The following FUT8 variants were observed in gnomAD, a reference collection of about 807,000 sequenced individuals.
The protein encoded by FUT8 is fucosyltransferase 8.
A neutral mutation model predicts 71.3 loss-of-function variants in FUT8; 29 were observed. The observed-to-expected ratio is 0.41, with a 90% CI of 0.30 to 0.55. The LOEUF (loss-of-function observed/expected upper bound fraction) is 0.55, where lower values mean the gene tolerates loss of function less well. Among genes scored for constraint, FUT8 ranks in the 20% least tolerant of loss-of-function variants. FUT8 has a pLI of 0.34. For synonymous variants in FUT8, 254 were observed against 239.3 expected (o/e 1.06, Z -0.57); for missense variants, 544 against 702.1 (o/e 0.77, Z 2.55).
intron 7 of FUT8, among the ~76,000 whole-genome samples, chr14:65,703,085 G>GA (rs1894389470): frequency 6.6e-6 from 1 of 152,182 alleles, no homozygotes; most frequent in Non-Finnish European, 1.5e-5. Context: ...GCGAGGAAGT[G>GA]GCAGAAGTCT....
the FUT8 span, among the ~76,000 whole-genome samples, chr14:65,371,356 G>C: frequency 1.3e-5 from 2 of 152,132 alleles, no homozygotes; most frequent in South Asian, 4.1e-4. Context: ...CCATAATAAA[G>C]CTGTGAAAAT....
chr14:65,496,190 C>CTAA (rs916703079), intron 2 of FUT8, among the ~76,000 whole-genome samples: 1 of 152,116 alleles, frequency 6.6e-6, no homozygotes, highest in African/African-American at 2.4e-5. Flanking sequence ...AGTTAAAAAG[C>CTAA]TAACCCTGAG....
intron 10 of FUT8, among the ~76,000 whole-genome samples, chr14:65,736,371 C>T (rs534013722): frequency 6.6e-5 from 10 of 151,054 alleles, no homozygotes; most frequent in South Asian, 2.1e-4. Flanking sequence ...AGACTGTATG[C>T]GCTCACATTT....
chr14:65,703,146 C>T (rs922708778), intron 7 of FUT8, among the ~76,000 whole-genome samples: 4 of 152,162 alleles, frequency 2.6e-5, no homozygotes, highest in Non-Finnish European at 4.4e-5. Context: ...ATGATACTGT[C>T]TTTGTTTTAA....
At chr14:65,576,983 A>G (rs1270325902) in intron 3 of FUT8, among the ~76,000 whole-genome samples, 4 of 151,620 alleles carry the variant, frequency 2.6e-5, no homozygotes, top group Non-Finnish European at 5.9e-5. Flanking sequence ...GATTACAGGC[A>G]TGAGCCACCA....
chr14:65,446,920 C>T (rs921930903), intron 1 of FUT8, among the ~76,000 whole-genome samples: 20 of 152,072 alleles, frequency 1.3e-4, no homozygotes, highest in Admixed American at 7.2e-4. Context: ...CCTCCAGCCT[C>T]AGCTTCCTGA....
At chr14:65,363,837 G>C in the FUT8 span, among the ~76,000 whole-genome samples, 3 of 152,110 alleles carry the variant, frequency 2.0e-5, no homozygotes, top group African/African-American at 4.8e-5. Context: ...CTTTATGAAG[G>C]CTGCCATGCT....
intron 7 of FUT8, among the ~76,000 whole-genome samples, chr14:65,675,144 A>G (rs925411286): frequency 2.6e-5 from 4 of 152,230 alleles, no homozygotes; most frequent in Admixed American, 1.3e-4. Flanking sequence ...AGTCTATGGT[A>G]TCTCATTAAA....
chr14:65,362,308 A>G, the FUT8 span, among the ~76,000 whole-genome samples: 1 of 152,198 alleles, frequency 6.6e-6, no homozygotes, highest in Non-Finnish European at 1.5e-5. Context: ...CTGTGTTTTC[A>G]GTTCAAAAGG....
the FUT8 span, among the ~76,000 whole-genome samples, chr14:65,374,985 G>T: frequency 6.6e-6 from 1 of 152,070 alleles, no homozygotes; most frequent in African/African-American, 2.4e-5. Flanking sequence ...GTTTACTGTT[G>T]TTTATTGCCT....
chr14:65,381,851 C>G, the FUT8 span, among the ~76,000 whole-genome samples: 5 of 152,260 alleles, frequency 3.3e-5, no homozygotes, highest in African/African-American at 1.2e-4. Flanking sequence ...AATCCAGCAA[C>G]ACTTTCTCTC....
chr14:65,525,223 C>G (rs145004215), intron 2 of FUT8, among the ~76,000 whole-genome samples: 1 of 152,066 alleles, frequency 6.6e-6, no homozygotes, highest in East Asian at 1.9e-4. Context: ...GGCTATTAAT[C>G]ATTGCCTCAA....
chr14:65,740,141 C>T (rs1362505327), intron 10 of FUT8, among the ~76,000 whole-genome samples: 1 of 151,940 alleles, frequency 6.6e-6, no homozygotes, highest in African/African-American at 2.4e-5. Context: ...ATTATAGTCT[C>T]GGTATTCTAC....
chr14:65,611,042 T>G (rs2140199719), intron 3 of FUT8, among the ~76,000 whole-genome samples: 1 of 151,830 alleles, frequency 6.6e-6, no homozygotes, highest in Admixed American at 6.6e-5. Context: ...GTAGTCCCTC[T>G]AGGTTTTTTT....
chr14:65,551,347 C>G (rs1793150837), intron 2 of FUT8, among the ~76,000 whole-genome samples: 1 of 151,986 alleles, frequency 6.6e-6, no homozygotes, highest in African/African-American at 2.4e-5. Context: ...TTTGTTATGT[C>G]TAATGGAATA....
the FUT8 span, among the ~76,000 whole-genome samples, chr14:65,389,199 ATTTTTAT>A: frequency 6.6e-6 from 1 of 150,626 alleles, no homozygotes; most frequent in Admixed American, 6.6e-5. Flanking sequence ...ATTATTTTTT[ATTTTTAT>A]TTTTTATTTT....
At chr14:65,538,414 G>T (rs1257426155) in intron 2 of FUT8, among the ~76,000 whole-genome samples, 2 of 152,144 alleles carry the variant, frequency 1.3e-5, no homozygotes, top group Admixed American at 6.5e-5. Flanking sequence ...TTCTTTCAGT[G>T]CCTTCCCTCT....
Position 65,575,603 on chromosome 14 carries a change from C to CTTCCTTCT in FUT8, c.203+13844_203+13845insTTTCCTTC, listed in dbSNP as rs1473565777. 8.2e-4 allele frequency among the ~76,000 whole-genome samples: 116 copies of CTTCCTTCT among 142,066 alleles called. 4 individuals are homozygous for CTTCCTTCT. Among genetic ancestry groups the CTTCCTTCT allele is most frequent in the South Asian group, 1.8e-3 (8 of 4,354 alleles). 93.2% of individuals were successfully genotyped at this position (142,066 alleles called of 152,430 possible). ...TCCTTCTTCCTTCCTTCCTTCCTTC[C>CTTCCTTCT]TTCCTTCCTTCCTTCCTTCCTCTTT... On this transcript the variant is annotated intron_variant, in intron 3 of 10. Coordinates refer to ENST00000673929, the MANE Select transcript of FUT8 (RefSeq NM_001371533.1).
chr14:65,629,942 G>A (rs1266756679), intron 6 of FUT8, among the ~76,000 whole-genome samples: 1 of 152,244 alleles, frequency 6.6e-6, no homozygotes, highest in East Asian at 1.9e-4. Context: ...GGAGACATCA[G>A]GGATAGTCTT....
Sources: allele counts gnomAD v4.1 joint callset (sites outside exome capture counted in the v4.1 genomes callset), GRCh38; gene constraint gnomAD v4.1.1; transcripts MANE v1.5; gene names NCBI Gene and HGNC (gene_info 2026-07-23, HGNC 2026-07-21).